SIPA1L3: variants seen among roughly 807,000 people sequenced by gnomAD.
The protein encoded by SIPA1L3 is signal-induced proliferation-associated 1-like protein 3.
In SIPA1L3, 59 loss-of-function variants were observed where a neutral mutation model predicts 150.1. That is an observed-to-expected ratio of 0.39 (90% CI 0.32 to 0.49). The LOEUF (loss-of-function observed/expected upper bound fraction) is 0.49, where lower values mean the gene tolerates loss of function less well. SIPA1L3 is among the 20% of genes least tolerant of loss of function. The probability of loss-of-function intolerance (pLI) is 0.86; values close to 1 mark genes in which losing one functional copy is unlikely to be tolerated. For synonymous variants in SIPA1L3, 1,070 were observed against 1,077.6 expected (o/e 0.99, Z 0.14); for missense variants, 2,211 against 2,489.5 (o/e 0.89, Z 2.38).
chr19:38,088,998 C>A, intron 4 of SIPA1L3, 147 bp downstream of exon 4: 1 of 835,870 alleles, frequency 1.2e-6, no homozygotes, highest in Non-Finnish European at 1.8e-6. Flanking sequence ...CTCTCCATCT[C>A]ACAGAGGAAG....
At chr19:37,978,182 C>T (rs914647295) in intron 1 of SIPA1L3, among the ~76,000 whole-genome samples, 1 of 152,128 alleles carries the variant, frequency 6.6e-6, no homozygotes, top group African/African-American at 2.4e-5. Context: ...GATGTGCAGA[C>T]GTGGCTCCAG....
At chr19:38,175,105 A>T (rs1252841878) in intron 15 of SIPA1L3, among the ~76,000 whole-genome samples, 1 of 151,884 alleles carries the variant, frequency 6.6e-6, no homozygotes, top group Non-Finnish European at 1.5e-5. Context: ...ATTTCGGGCA[A>T]GTTATTTCAT....
chr19:37,924,597 G>A (rs969562316), intron 1 of SIPA1L3, among the ~76,000 whole-genome samples: 2 of 151,294 alleles, frequency 1.3e-5, no homozygotes, highest in Non-Finnish European at 2.9e-5. Context: ...AGAATAGCTT[G>A]AATCCGGGAG....
At chr19:38,078,438 G>GCACA (rs66830496) in intron 2 of SIPA1L3, among the ~76,000 whole-genome samples, 7,262 of 138,906 alleles carry the variant, frequency 0.052, 293 homozygotes, top group South Asian at 0.13. Flanking sequence ...GCGCATACAT[G>GCACA]CACACACACA....
chr19:38,082,324 C>G lies in SIPA1L3; in HGVS notation c.759C>G (p.Gly253=), dbSNP rs1169786424. The G allele has an allele frequency of 3.8e-6, 6 of 1,598,018 alleles. No individual in the cohort carries two copies. The highest frequency in any genetic ancestry group is 5.1e-6 in the Non-Finnish European group (6 of 1,178,662). ...RADPGPHLMG[G]GGGAKGDSHN... ...ATCCTGGCCCACACCTCATGGGGGG[C>G]GGCGGCGGAGCCAAGGGGGACTCCC... is the stretch of plus-strand genomic sequence containing the variant. Residue 253 remains glycine, a synonymous_variant, in exon 3 of 22, where the codon GGC becomes GGG. Coordinates refer to ENST00000222345, the MANE Select transcript of SIPA1L3 (RefSeq NM_015073.3).
intron 2 of SIPA1L3, among the ~76,000 whole-genome samples, chr19:38,056,222 T>C (rs1187302971): frequency 1.3e-5 from 2 of 152,244 alleles, no homozygotes; most frequent in African/African-American, 2.4e-5. Context: ...CCTTCTGGGC[T>C]AGGCCACTCT....
chr19:38,108,920 T>C (rs1169781160), intron 7 of SIPA1L3, among the ~76,000 whole-genome samples: 2 of 151,594 alleles, frequency 1.3e-5, no homozygotes, highest in Non-Finnish European at 2.9e-5. Context: ...ACCCAGGAGG[T>C]GCAGGTTGCA....
chr19:38,155,207 C>T (rs1971916730), intron 13 of SIPA1L3, among the ~76,000 whole-genome samples: 1 of 152,108 alleles, frequency 6.6e-6, no homozygotes, highest in Non-Finnish European at 1.5e-5. Flanking sequence ...GCAGGTGGTG[C>T]TACCACATTA....
intron 1 of SIPA1L3, among the ~76,000 whole-genome samples, chr19:38,001,022 C>A (rs555162589): frequency 6.7e-6 from 1 of 149,524 alleles, no homozygotes; most frequent in East Asian, 2.0e-4. Context: ...ACATATATAT[C>A]ACACACATAT....
chr19:38,085,990 T>A (rs1230258019), intron 3 of SIPA1L3, among the ~76,000 whole-genome samples: 1 of 151,738 alleles, frequency 6.6e-6, no homozygotes, highest in Non-Finnish European at 1.5e-5. Context: ...AGTGAGACTC[T>A]GTCCCCTCAA....
intron 15 of SIPA1L3, among the ~76,000 whole-genome samples, chr19:38,170,892 A>G (rs551209180): frequency 6.6e-6 from 1 of 152,130 alleles, no homozygotes; most frequent in Admixed American, 6.5e-5. Flanking sequence ...GGGGCTGGAG[A>G]GACATTCATC....
At chr19:37,921,476 G>C (rs1217024916) in intron 1 of SIPA1L3, among the ~76,000 whole-genome samples, 2 of 152,128 alleles carry the variant, frequency 1.3e-5, no homozygotes, top group Non-Finnish European at 2.9e-5. Context: ...CTTTCCTCTG[G>C]TGCCCCGTTT....
At chr19:38,160,802 A>G (rs532508360) in intron 13 of SIPA1L3, among the ~76,000 whole-genome samples, 1 of 152,318 alleles carries the variant, frequency 6.6e-6, no homozygotes. Context: ...ACGCTTGCTC[A>G]AAGTCGCATG....
chr19:37,998,757 G>T (rs147093358), intron 1 of SIPA1L3, among the ~76,000 whole-genome samples: 101 of 152,156 alleles, frequency 6.6e-4, no homozygotes, highest in Admixed American at 2.4e-3. Context: ...CACTGTAGCA[G>T]CCTGGAAGAC....
At chr19:37,942,546 G>A in intron 1 of SIPA1L3, among the ~76,000 whole-genome samples, 1 of 132,972 alleles carries the variant, frequency 7.5e-6, no homozygotes, top group East Asian at 2.7e-4. Context: ...GGGGAGGGCA[G>A]GAGACGGGGG....
At chr19:38,019,812 G>A (rs929238809) in intron 1 of SIPA1L3, among the ~76,000 whole-genome samples, 2 of 152,152 alleles carry the variant, frequency 1.3e-5, no homozygotes, top group East Asian at 3.8e-4. Flanking sequence ...CTCTGGCCAG[G>A]TGTGGTGGCT....
intron 10 of SIPA1L3, among the ~76,000 whole-genome samples, chr19:38,136,614 T>G (rs1453767323): frequency 6.6e-6 from 1 of 152,156 alleles, no homozygotes; most frequent in South Asian, 2.1e-4. Context: ...AAAAAAAAAT[T>G]TTTTTAATCA....
chr19:37,913,931 C>T (rs896734416), intron 1 of SIPA1L3, among the ~76,000 whole-genome samples: 3 of 149,522 alleles, frequency 2.0e-5, no homozygotes, highest in Non-Finnish European at 4.4e-5. Context: ...AGGAGAATCA[C>T]GTGAACCTAG....
chr19:38,051,469 A>T (rs1281150212), intron 2 of SIPA1L3, among the ~76,000 whole-genome samples: 1 of 152,150 alleles, frequency 6.6e-6, no homozygotes, highest in Non-Finnish European at 1.5e-5. Flanking sequence ...GGGTCCAGGG[A>T]TATGCATGGT....
Sources: gnomAD v4.1 joint callset for allele counts (sites outside exome capture counted in the v4.1 genomes callset) on GRCh38, gnomAD v4.1.1 for gene constraint, MANE v1.5 for transcripts, NCBI Gene and HGNC (gene_info 2026-07-23, HGNC 2026-07-21) for gene names.